The following THSD7B variants were observed in gnomAD, a reference collection of about 807,000 sequenced individuals.
THSD7B encodes the protein thrombospondin type 1 domain containing 7B.
In THSD7B, 138 loss-of-function variants were observed where a neutral mutation model predicts 213.6. That is an observed-to-expected ratio of 0.65 (90% CI 0.56 to 0.74). The LOEUF is 0.74. Ranked by LOEUF, THSD7B falls within the 30% of genes least tolerant of loss-of-function variation. The probability of loss-of-function intolerance (pLI) is 0.00; values close to 1 mark genes in which losing one functional copy is unlikely to be tolerated. For missense variants in THSD7B, 1,931 were observed against 1,991.5 expected, an observed-to-expected ratio of 0.97 and a Z score of 0.58; for synonymous variants, 742 against 687.0, an observed-to-expected ratio of 1.08 and a Z score of -1.25.
At chr2:136,879,863 C>CA (rs1197812815) in intron 1 of THSD7B, among the ~76,000 whole-genome samples, 1 of 152,026 alleles carries the variant, frequency 6.6e-6, no homozygotes, top group Non-Finnish European at 1.5e-5. Context: ...TCAAAAGAGA[C>CA]AAAGAAGGCC....
At chr2:137,591,908 T>C (rs1681873284) in intron 17 of THSD7B, among the ~76,000 whole-genome samples, 1 of 151,834 alleles carries the variant, frequency 6.6e-6, no homozygotes, top group African/African-American at 2.4e-5. Flanking sequence ...GTTTTTAAAA[T>C]ATCTTTATTA....
intron 2 of THSD7B, among the ~76,000 whole-genome samples, chr2:136,950,002 G>A (rs1319251228): frequency 2.0e-5 from 3 of 152,144 alleles, no homozygotes; most frequent in African/African-American, 4.8e-5. Context: ...GCCTGTAATC[G>A]TAGCACTTTG....
intron 15 of THSD7B, among the ~76,000 whole-genome samples, chr2:137,514,178 T>G (rs1680023768): frequency 6.6e-6 from 1 of 152,178 alleles, no homozygotes; most frequent in Non-Finnish European, 1.5e-5. Context: ...TTGATTGGAT[T>G]GAAAGATGCA....
At chr2:137,235,663 C>T (rs1681748102) in intron 9 of THSD7B, among the ~76,000 whole-genome samples, 1 of 152,154 alleles carries the variant, frequency 6.6e-6, no homozygotes, top group East Asian at 1.9e-4. Context: ...ATCACAGGAA[C>T]AGAAGTTTGT....
chr2:137,514,995 C>T (rs142938740), intron 15 of THSD7B, among the ~76,000 whole-genome samples: 7,782 of 152,206 alleles, frequency 0.051, 277 homozygotes, highest in Non-Finnish European at 0.074. Context: ...CTAAGATTGC[C>T]CTGAGTGAGA....
intron 17 of THSD7B, among the ~76,000 whole-genome samples, chr2:137,613,776 A>G (rs1277295071): frequency 6.6e-6 from 1 of 152,158 alleles, no homozygotes; most frequent in African/African-American, 2.4e-5. Context: ...TCATCCAGAT[A>G]GATGTAAACA....
intron 12 of THSD7B, among the ~76,000 whole-genome samples, chr2:137,352,894 CATATATTAT>C (rs1373464637): frequency 1.3e-5 from 2 of 151,816 alleles, no homozygotes; most frequent in Non-Finnish European, 2.9e-5. Context: ...TAGAGCCATA[CATATATTAT>C]ATATATTATA....
chr2:136,852,187 G>C (rs1249424170), intron 1 of THSD7B, among the ~76,000 whole-genome samples: 1 of 151,994 alleles, frequency 6.6e-6, no homozygotes, highest in Admixed American at 6.6e-5. Context: ...GAGATACAAC[G>C]AAGTGAGGAA....
rs1461878017 is a variant in THSD7B at position 137,575,738 on chromosome 2, A to ATATATG, written c.3423+3187_3423+3188insGTATAT. On this transcript the variant is annotated intron_variant, in intron 17 of 27. Coordinates refer to ENST00000409968, the MANE Select transcript of THSD7B (RefSeq NM_001316349.2). The stretch of plus-strand genomic sequence containing the variant: ...TCCCATAACACACATATATATATAT[A>ATATATG]TATATTTTTACTTTAACATGCTTAC... Among the ~76,000 whole-genome samples, 642 of 150,164 alleles carry ATATATG rather than the reference A, an allele frequency of 4.3e-3. 5 individuals are homozygous for ATATATG. Among genetic ancestry groups the ATATATG allele is most frequent in the African/African-American group, 0.015 (624 of 41,278 alleles).
intron 4 of THSD7B, among the ~76,000 whole-genome samples, chr2:137,107,587 T>C (rs1351926097): frequency 6.6e-6 from 1 of 152,184 alleles, no homozygotes; most frequent in Non-Finnish European, 1.5e-5. Context: ...GGTACTGTTT[T>C]AGAAAAGAAA....
intron 10 of THSD7B, among the ~76,000 whole-genome samples, chr2:137,243,759 T>C (rs1410715322): frequency 6.6e-6 from 1 of 152,222 alleles, no homozygotes; most frequent in Non-Finnish European, 1.5e-5. Context: ...TGTTGAAAAT[T>C]ATCATCTTTG....
At chr2:137,129,816 A>G (rs997148052) in intron 5 of THSD7B, among the ~76,000 whole-genome samples, 3 of 152,194 alleles carry the variant, frequency 2.0e-5, no homozygotes, top group African/African-American at 7.2e-5. Flanking sequence ...TGTTACCTAC[A>G]TTTTGACCAT....
chr2:136,773,215 T>C (rs953681316), intron 1 of THSD7B, among the ~76,000 whole-genome samples: 3 of 152,086 alleles, frequency 2.0e-5, no homozygotes, highest in African/African-American at 7.2e-5. Flanking sequence ...TTATTGAACA[T>C]ATACTGTGTG....
chr2:137,513,303 G>A lies in THSD7B; in HGVS notation c.3139-49918G>A, dbSNP rs78614523. On this transcript the variant is annotated intron_variant, in intron 15 of 27. Coordinates refer to ENST00000409968, the MANE Select transcript of THSD7B (RefSeq NM_001316349.2). ...GGAAGTTTTACTGCGACACATATCTGAAAGGGCATAATAAAGTGAGTTGTT... is the reference window on the plus strand; with the variant it reads ...GGAAGTTTTACTGCGACACATATCTAAAAGGGCATAATAAAGTGAGTTGTT... Among the ~76,000 whole-genome samples the A allele has an allele frequency of 1.5e-4, 23 of 152,306 alleles. No homozygotes were observed. In the East Asian group the frequency reaches 2.9e-3, roughly 19 times the overall value.
chr2:137,590,044 C>A (rs2104812330), intron 17 of THSD7B, among the ~76,000 whole-genome samples: 1 of 151,918 alleles, frequency 6.6e-6, no homozygotes, highest in African/African-American at 2.4e-5. Flanking sequence ...TCTTTCATGG[C>A]CCTCCTGATT....
chr2:137,378,969 G>C (rs1685719055), intron 12 of THSD7B, among the ~76,000 whole-genome samples: 1 of 151,990 alleles, frequency 6.6e-6, no homozygotes, highest in South Asian at 2.1e-4. Context: ...ATTTTTTTCT[G>C]AAATGCTTAT....
Position 137,653,175 on chromosome 2 carries a change from T to C in THSD7B, c.3946-2326T>C, listed in dbSNP as rs1217466471. 2.0e-5 allele frequency among the ~76,000 whole-genome samples: 3 copies of C among 152,186 alleles called. No individual in the cohort carries two copies. In the South Asian group the frequency reaches 6.2e-4, roughly 31 times the overall value. ...AAGGACTTTATCCTGCCTTTATATC[T>C]GGAGGATAACTTTGCTGGATACAGT... On this transcript the variant is annotated intron_variant, in intron 21 of 27. Coordinates refer to ENST00000409968, the MANE Select transcript of THSD7B (RefSeq NM_001316349.2).
chr2:137,536,364 A>G (rs1680507629), intron 15 of THSD7B, among the ~76,000 whole-genome samples: 2 of 151,528 alleles, frequency 1.3e-5, no homozygotes. Context: ...AGGGTTAAAG[A>G]GAGGGAGATC....
chr2:137,141,137 G>A (rs1196716150), intron 5 of THSD7B, among the ~76,000 whole-genome samples: 2 of 152,120 alleles, frequency 1.3e-5, no homozygotes, highest in African/African-American at 2.4e-5. Context: ...GGGAGTCTGA[G>A]AGCTGGTCCC....
Sources: gnomAD v4.1 joint callset for allele counts (sites outside exome capture counted in the v4.1 genomes callset) on GRCh38, gnomAD v4.1.1 for gene constraint, MANE v1.5 for transcripts, NCBI Gene and HGNC (gene_info 2026-07-23, HGNC 2026-07-21) for gene names.